The following CA5B variants were observed in gnomAD, a reference collection of about 807,000 sequenced individuals.
CA5B encodes carbonic anhydrase 5B, mitochondrial.
Under a neutral mutation model 23.1 loss-of-function variants are expected in CA5B, and 15 were observed. The observed-to-expected ratio is 0.65, with a 90% CI of 0.43 to 1.00. The LOEUF is 1.00. Among genes scored for constraint, CA5B ranks in the 50% least tolerant of loss-of-function variants. The pLI, the probability that CA5B is intolerant of heterozygous loss-of-function variation, is 0.00. For synonymous variants in CA5B, 84 were observed against 98.5 expected (o/e 0.85, Z 0.87); for missense variants, 236 against 252.2 (o/e 0.94, Z 0.43).
At chrX:15,752,650 G>A (rs896801336) in intron 2 of CA5B, among the ~76,000 whole-genome samples, 35 of 110,323 alleles carry the variant, frequency 3.2e-4, no homozygotes, top group East Asian at 5.7e-4. Context: ...GCGTGAACCC[G>A]GGAGGCGGAG....
intron 2 of CA5B, among the ~76,000 whole-genome samples, chrX:15,755,805 T>C (rs1468626998): frequency 8.9e-6 from 1 of 112,543 alleles, no homozygotes. Flanking sequence ...AGTAATTCTA[T>C]ATTTTGTAAT....
Position 15,742,373 on chromosome X carries a change from T to TG in CA5B, c.-54+4024dup, listed in dbSNP as rs1450733693. 1.8e-4 allele frequency among the ~76,000 whole-genome samples: 16 copies of TG among 89,356 alleles called. No individual in the cohort carries two copies. The South Asian group carries it at 3.7e-3, about 20-fold the overall frequency. The allele number at this position is 89,356 out of a possible 115,157, so 77.6% of individuals were successfully genotyped here. ...ATGCTGTGATGTTTTTCTGTTTTTT[T>TG]GGGTTTTTTTTGAGACGGAGTCTCG... On this transcript the variant is annotated intron_variant, in intron 1 of 7. Transcript: ENST00000318636.
chrX:15,744,143 T>C (rs1240709584), intron 1 of CA5B, among the ~76,000 whole-genome samples: 1 of 112,849 alleles, frequency 8.9e-6, no homozygotes, highest in East Asian at 2.8e-4. Flanking sequence ...CCAGGCGTCA[T>C]TGGCCTCCAG....
At chrX:15,752,480 C>G (rs921422104) in intron 2 of CA5B, among the ~76,000 whole-genome samples, 1 of 112,134 alleles carries the variant, frequency 8.9e-6, no homozygotes, top group Non-Finnish European at 1.9e-5. Flanking sequence ...AATCTCAGCA[C>G]TTTGCGAGGC....
chrX:15,775,313 T>C lies in CA5B; in HGVS notation c.618+5T>C. On this transcript the variant is annotated splice_donor_5th_base_variant and intron_variant, in intron 6 of 7. Transcript: ENST00000318636. ...TTGCCGTCAATTAAGCATAAGGTAC[T>C]ATTTGTTTTCCTTAATTACTTGAAA... The C allele has an allele frequency of 8.4e-7, 1 of 1,188,770 alleles. No homozygotes were observed. Among genetic ancestry groups the C allele is most frequent in the Non-Finnish European group, 1.1e-6 (1 of 880,978 alleles).
intron 2 of CA5B, chrX:15,750,560 A>G (rs1301039444): frequency 8.3e-6 from 1 of 120,747 alleles, no homozygotes; most frequent in Non-Finnish European, 1.7e-5. Flanking sequence ...TTTCTTTTAA[A>G]CAAAGGTTGA....
chrX:15,752,221 G>A (rs368334648), intron 2 of CA5B, among the ~76,000 whole-genome samples: 3 of 110,874 alleles, frequency 2.7e-5, no homozygotes, highest in Admixed American at 1.9e-4. Context: ...TATCTAAGGG[G>A]TCTGGGGAGT....
rs1263564613 is a variant in CA5B, at chrX:15,746,114, C to T, written c.-53-3857C>T. On this transcript the variant is annotated intron_variant, in intron 1 of 7. Coordinates refer to ENST00000318636, the MANE Select transcript of CA5B (RefSeq NM_007220.4). ...GTGCAGTGGTGCAGTGGCATGATCT[C>T]GGCTCACTGCAACCTACACCTCCCG... Among the ~76,000 whole-genome samples the T allele has an allele frequency of 2.2e-5, 2 of 92,481 alleles. 1 individual carries two copies. The highest frequency in any genetic ancestry group is 2.9e-4 in the Admixed American group (2 of 6,951). 80.3% of individuals were successfully genotyped at this position (92,481 alleles called of 115,157 possible).
chrX:15,784,620 C>T lies in CA5B; in HGVS notation c.*1956C>T, dbSNP rs1932081801. On this transcript the variant is annotated 3_prime_UTR_variant, in exon 8 of 8. Coordinates refer to ENST00000318636, the MANE Select transcript of CA5B (RefSeq NM_007220.4). The stretch of plus-strand genomic sequence containing the variant: ...TTCATTAATATGTTTGTCATCTGGT[C>T]TGCAAGATAGGGTTGGATGAATATA... 8.9e-6 allele frequency: 1 copy of T among 112,025 alleles called. No individual in the cohort carries two copies. Among genetic ancestry groups the T allele is most frequent in the Admixed American group, 9.5e-5 (1 of 10,477 alleles). 9.2% of individuals were successfully genotyped at this position (112,025 alleles called of 1,213,427 possible).
At chrX:15,749,450 G>C (rs1384634844) in intron 1 of CA5B, among the ~76,000 whole-genome samples, 3 of 111,956 alleles carry the variant, frequency 2.7e-5, no homozygotes, top group African/African-American at 9.8e-5. Flanking sequence ...TTTCAAAACT[G>C]TCCATGACTA....
At chrX:15,756,871 C>T (rs1213302691) in intron 2 of CA5B, among the ~76,000 whole-genome samples, 11 of 97,807 alleles carry the variant, frequency 1.1e-4, no homozygotes, top group Middle Eastern at 6.2e-3. Flanking sequence ...TGGCTAACAC[C>T]GTGAAACCCC....
intron 2 of CA5B, among the ~76,000 whole-genome samples, chrX:15,757,239 G>A (rs1439891436): frequency 4.2e-5 from 4 of 94,367 alleles, no homozygotes; most frequent in African/African-American, 7.7e-5. Context: ...GGCCAGGTGC[G>A]GTGGCTCACG....
chrX:15,762,114 A>C (rs1166893690), intron 2 of CA5B, among the ~76,000 whole-genome samples: 1 of 110,123 alleles, frequency 9.1e-6, no homozygotes, highest in East Asian at 2.9e-4. Flanking sequence ...CTAAAAATAC[A>C]CAAAAGTTAG....
At chrX:15,738,897 C>G in intron 1 of CA5B, among the ~76,000 whole-genome samples, 1 of 111,791 alleles carries the variant, frequency 8.9e-6, no homozygotes, top group Non-Finnish European at 1.9e-5. Flanking sequence ...ACCCCCAAGA[C>G]AGGGTATCAG....
At chrX:15,773,294 C>G (rs1931855081) in intron 4 of CA5B, among the ~76,000 whole-genome samples, 1 of 110,559 alleles carries the variant, frequency 9.0e-6, no homozygotes. Flanking sequence ...GGGTCTCACT[C>G]TGTCACCCAG....
intron 7 of CA5B, among the ~76,000 whole-genome samples, chrX:15,781,949 A>AAGAG (rs1932031906): frequency 9.1e-6 from 1 of 110,367 alleles, no homozygotes; most frequent in Non-Finnish European, 1.9e-5. Context: ...GAAAGAAAGA[A>AAGAG]AAGGAAAAAA....
At chrX:15,739,680 C>A (rs998733465) in intron 1 of CA5B, among the ~76,000 whole-genome samples, 4 of 111,523 alleles carry the variant, frequency 3.6e-5, no homozygotes, top group African/African-American at 1.3e-4. Flanking sequence ...TGCATTTCAT[C>A]TGATTGGTGG....
intron 2 of CA5B, among the ~76,000 whole-genome samples, chrX:15,760,618 G>A (rs933898862): frequency 9.0e-6 from 1 of 111,508 alleles, no homozygotes; most frequent in Non-Finnish European, 1.9e-5. Context: ...CCAAGGCGTC[G>A]TCTTAGGGAC....
In CA5B at chrX:15,764,440, G is replaced by A. The variant is rs148746758; in HGVS notation, c.143-138G>A. ...TATTTTGTAGAGACAGGGTTTCGCC[G>A]TGTTTCCTAGGCTGGTCTCAAACTT... On this transcript the variant is annotated intron_variant, in intron 2 of 7. Transcript: ENST00000318636. 8.4e-3 allele frequency: 8,061 copies of A among 962,233 alleles called. 332 individuals carry two copies. The African/African-American group carries it at 0.13, about 15-fold the overall frequency. 79.3% of individuals were successfully genotyped at this position (962,233 alleles called of 1,213,427 possible).
Sources: allele counts gnomAD v4.1 joint callset (sites outside exome capture counted in the v4.1 genomes callset), GRCh38; gene constraint gnomAD v4.1.1; transcripts MANE v1.5; gene names NCBI Gene and HGNC (gene_info 2026-07-23, HGNC 2026-07-21).